Variants in PARD3B observed in about 807,000 individuals in gnomAD.
PARD3B encodes the protein par-3 family cell polarity regulator beta, also known as partitioning defective 3 homolog B.
Under a neutral mutation model 130.2 loss-of-function variants are expected in PARD3B, and 103 were observed. The observed-to-expected ratio is 0.79, with a 90% CI of 0.67 to 0.93. The LOEUF (loss-of-function observed/expected upper bound fraction) is 0.93. PARD3B is among the 40% of genes least tolerant of loss of function. PARD3B has a pLI of 0.00. For synonymous variants in PARD3B, 583 were observed against 553.2 expected, an observed-to-expected ratio of 1.05 and a Z score of -0.76; for missense variants, 1,609 against 1,499.2, an observed-to-expected ratio of 1.07 and a Z score of -1.21.
intron 1 of PARD3B, among the ~76,000 whole-genome samples, chr2:204,627,159 C>A (rs2034515325): frequency 6.6e-6 from 1 of 152,124 alleles, no homozygotes; most frequent in African/African-American, 2.4e-5. Context: ...TTGTAGGTTT[C>A]CTGAGGCTTC....
chr2:205,466,384 T>G (rs2048624510), intron 20 of PARD3B, among the ~76,000 whole-genome samples: 1 of 152,106 alleles, frequency 6.6e-6, no homozygotes, highest in African/African-American at 2.4e-5. Flanking sequence ...GGTATGACAT[T>G]TTTTGGGTCT....
At chr2:205,496,786 CT>C (rs2049942352) in intron 20 of PARD3B, among the ~76,000 whole-genome samples, 1 of 151,074 alleles carries the variant, frequency 6.6e-6, no homozygotes, top group African/African-American at 2.4e-5. Context: ...AAAGTGTGTT[CT>C]TAGAAAACAG....
At chr2:205,566,135 G>A (rs1001943110) in intron 22 of PARD3B, among the ~76,000 whole-genome samples, 5 of 152,224 alleles carry the variant, frequency 3.3e-5, no homozygotes, top group Admixed American at 2.6e-4. Context: ...GACTGTGGGA[G>A]TTGAGCAGGA....
intron 15 of PARD3B, among the ~76,000 whole-genome samples, chr2:205,245,389 TA>T (rs2039527267): frequency 6.6e-6 from 1 of 152,206 alleles, no homozygotes; most frequent in African/African-American, 2.4e-5. Context: ...CTTAAGTATT[TA>T]ATATACACAC....
intron 18 of PARD3B, among the ~76,000 whole-genome samples, chr2:205,365,345 C>A (rs937650479): frequency 1.3e-5 from 2 of 151,302 alleles, no homozygotes; most frequent in African/African-American, 2.4e-5. Flanking sequence ...CGCACCACTG[C>A]CCTCCAGCCT....
chr2:204,974,051 G>T (rs1275964859), intron 3 of PARD3B, among the ~76,000 whole-genome samples: 1 of 152,072 alleles, frequency 6.6e-6, no homozygotes, highest in African/African-American at 2.4e-5. Flanking sequence ...TTATTCATTG[G>T]CTTAATGGGA....
intron 5 of PARD3B, among the ~76,000 whole-genome samples, chr2:205,106,231 T>C (rs910159919): frequency 5.3e-5 from 8 of 152,054 alleles, no homozygotes; most frequent in Non-Finnish European, 8.8e-5. Flanking sequence ...CACCGCAACC[T>C]CCGCCCCCCA....
At chr2:204,770,578 G>A (rs1258063559) in intron 2 of PARD3B, among the ~76,000 whole-genome samples, 1 of 152,056 alleles carries the variant, frequency 6.6e-6, no homozygotes, top group Non-Finnish European at 1.5e-5. Context: ...CGTTCTTTGA[G>A]AGAGTATACC....
intron 4 of PARD3B, among the ~76,000 whole-genome samples, chr2:205,077,695 C>G (rs1022341390): frequency 6.6e-6 from 1 of 151,840 alleles, no homozygotes; most frequent in Non-Finnish European, 1.5e-5. Flanking sequence ...GAGAGAGATG[C>G]CTGAGAGATA....
chr2:205,449,690 G>A (rs1029578020), intron 20 of PARD3B, among the ~76,000 whole-genome samples: 2 of 152,180 alleles, frequency 1.3e-5, no homozygotes, highest in Non-Finnish European at 2.9e-5. Context: ...TATGGCAGCT[G>A]TAAAATTGAA....
In PARD3B at chr2:204,848,641, GTCTA is replaced by G. The variant is rs112373204; in HGVS notation, c.223-116491_223-116488del. On this transcript the variant is annotated intron_variant, in intron 2 of 22. Transcript: ENST00000406610. ...AGCCTGGATGATAGAGTGAGACTCT[GTCTA>G]TCTATCTATCTATCTATCTGTCTGT... Among the ~76,000 whole-genome samples the G allele has an allele frequency of 3.9e-3, 583 of 148,450 alleles. 5 individuals are homozygous for G. The highest frequency in any genetic ancestry group is 9.8e-3 in the South Asian group (47 of 4,810).
At position 205,142,616 on chromosome 2, in the gene PARD3B, A is replaced by G. The variant is rs955865931; in HGVS notation, c.1435-16106A>G. ...GACAGGCAACCAGGCACAGTGGCTC[A>G]CGCCTGTAATCCCAACACTTTGGGA... On this transcript the variant is annotated intron_variant, in intron 10 of 22. Coordinates refer to ENST00000406610, the MANE Select transcript of PARD3B (RefSeq NM_001302769.2). The surrounding 1 kb of genome is among the most constrained non-coding windows in gnomAD (Gnocchi z 4.3). 6.6e-6 allele frequency among the ~76,000 whole-genome samples: 1 copy of G among 152,158 alleles called. No homozygotes were observed. Among genetic ancestry groups the G allele is most frequent in the Non-Finnish European group, 1.5e-5 (1 of 68,038 alleles).
intron 1 of PARD3B, among the ~76,000 whole-genome samples, chr2:204,590,352 T>C (rs1166065463): frequency 6.6e-6 from 1 of 152,202 alleles, no homozygotes; most frequent in Non-Finnish European, 1.5e-5. Flanking sequence ...TTTCAACATA[T>C]GAATTCTGGG....
chr2:204,947,658 G>A (rs1689443694), intron 2 of PARD3B, among the ~76,000 whole-genome samples: 1 of 148,222 alleles, frequency 6.7e-6, no homozygotes, highest in Admixed American at 7.0e-5. Flanking sequence ...ACTTTTTCCA[G>A]GCCTTAGTTG....
Position 204,884,115 on chromosome 2 carries a change from T to C in PARD3B, c.223-81037T>C, listed in dbSNP as rs1395792450. On this transcript the variant is annotated intron_variant, in intron 2 of 22. Coordinates refer to ENST00000406610, the MANE Select transcript of PARD3B (RefSeq NM_001302769.2). Reference sequence around the variant, plus strand: ...TTTTCTAGGATTAAAGTGAGGCTTCTTCACCTTAGGGAGTAGCAGAAAGAT... The same window carrying C: ...TTTTCTAGGATTAAAGTGAGGCTTCCTCACCTTAGGGAGTAGCAGAAAGAT... Among the ~76,000 whole-genome samples, 10 of 152,216 alleles carry C rather than the reference T, an allele frequency of 6.6e-5. No individual in the cohort carries two copies. In the East Asian group the frequency reaches 1.9e-3, roughly 29 times the overall value.
chr2:205,198,526 G>C (rs1298027899), intron 15 of PARD3B, among the ~76,000 whole-genome samples: 1 of 152,058 alleles, frequency 6.6e-6, no homozygotes, highest in Non-Finnish European at 1.5e-5. Context: ...TTTAAATTAG[G>C]AAATGTTTTT....
chr2:204,749,281 T>C (rs2040367399), intron 2 of PARD3B, among the ~76,000 whole-genome samples: 1 of 152,212 alleles, frequency 6.6e-6, no homozygotes, highest in Admixed American at 6.6e-5. Flanking sequence ...TTAATGACTT[T>C]ATTTCCCAAG....
chr2:205,338,533 T>C (rs534207021), intron 18 of PARD3B, among the ~76,000 whole-genome samples: 87 of 152,344 alleles, frequency 5.7e-4, no homozygotes, highest in South Asian at 1.7e-3. Flanking sequence ...TAACTAGCTT[T>C]GACTTTTACT....
rs2053182576 is a variant in PARD3B at position 205,562,735 on chromosome 2, T to A, written c.3260+9332T>A. Among the ~76,000 whole-genome samples the A allele has an allele frequency of 6.6e-6, 1 of 152,216 alleles. No individual in the cohort carries two copies. Among genetic ancestry groups the A allele is most frequent in the Admixed American group, 6.5e-5 (1 of 15,282 alleles). ...TTGATGTTTTCCTATCTTATTGCCA[T>A]TCCACCATCTGCCTCCTAATGCTCA... is the stretch of plus-strand genomic sequence containing the variant. On this transcript the variant is annotated intron_variant, in intron 22 of 22. Transcript: ENST00000406610. The surrounding 1 kb of genome is among the most constrained non-coding windows in gnomAD (Gnocchi z 5.4).
Sources: allele counts gnomAD v4.1 joint callset (sites outside exome capture counted in the v4.1 genomes callset), GRCh38; gene constraint gnomAD v4.1.1; non-coding constraint Gnocchi (gnomAD v3.1); transcripts MANE v1.5; gene names NCBI Gene and HGNC (gene_info 2026-07-23, HGNC 2026-07-21).